The following CRYBG3 variants were observed in gnomAD, a reference collection of about 807,000 sequenced individuals.
CRYBG3 encodes the protein very large A-kinase anchor protein.
Under a neutral mutation model 244.2 loss-of-function variants are expected in CRYBG3, and 127 were observed. The observed-to-expected ratio is 0.52, with a 90% CI of 0.45 to 0.60. CRYBG3 has a LOEUF of 0.60. CRYBG3 is among the 20% of genes least tolerant of loss of function. The pLI is 0.00. For synonymous variants in CRYBG3, 1,132 were observed against 1,195.8 expected (o/e 0.95, Z 1.10); for missense variants, 3,325 against 3,442.5 (o/e 0.97, Z 0.85).
At position 97,883,497 on chromosome 3, in the gene CRYBG3, TCAAA is replaced by T. The variant is rs1236644275; in HGVS notation, c.7152+2282_7152+2285del. ...ACCTCTCTCACCCCCCCCACCAAAA[TCAAA>T]CAATAAAATCAAACAGATTTAATCT... On this transcript the variant is annotated intron_variant, in intron 7 of 21. Transcript: ENST00000389622. 2.6e-5 allele frequency among the ~76,000 whole-genome samples: 4 copies of T among 152,032 alleles called. No homozygotes were observed. In the East Asian group the frequency reaches 5.8e-4, roughly 22 times the overall value.
At chr3:97,879,791 G>A (rs1376850643) in intron 5 of CRYBG3, 43 bp downstream of exon 5, 2 of 1,434,574 alleles carry the variant, frequency 1.4e-6, no homozygotes, top group Admixed American at 1.9e-5. Flanking sequence ...TTAAACATTA[G>A]GTAACTTTCA....
chr3:97,859,743 G>A (rs1448664313), intron 2 of CRYBG3, among the ~76,000 whole-genome samples: 2 of 152,002 alleles, frequency 1.3e-5, no homozygotes, highest in African/African-American at 4.8e-5. Flanking sequence ...CTTTACTGAG[G>A]TCAGAGCCAT....
intron 10 of CRYBG3, 150 bp from the exon 11 acceptor site, chr3:97,892,710 G>A: frequency 2.1e-6 from 1 of 487,796 alleles, no homozygotes; most frequent in African/African-American, 2.0e-5. Context: ...ATAGTTTTTT[G>A]TAATACACCT....
intron 19 of CRYBG3, among the ~76,000 whole-genome samples, chr3:97,939,594 T>G (rs1012146750): frequency 4.6e-5 from 7 of 152,074 alleles, no homozygotes; most frequent in African/African-American, 1.4e-4. Context: ...AGTTAATTGA[T>G]TAAAACTGTG....
chr3:97,921,688 G>A (rs1229982637), intron 17 of CRYBG3, among the ~76,000 whole-genome samples: 2 of 152,086 alleles, frequency 1.3e-5, no homozygotes, highest in Non-Finnish European at 2.9e-5. Context: ...AGTCAGACTG[G>A]GTATTAAAAG....
At chr3:97,847,916 A>G (rs2038926537) in intron 2 of CRYBG3, among the ~76,000 whole-genome samples, 1 of 152,182 alleles carries the variant, frequency 6.6e-6, no homozygotes, top group Admixed American at 6.5e-5. Flanking sequence ...CATTACCCTT[A>G]TTTCTAATAA....
At chr3:97,856,088 G>A (rs1230156720) in intron 2 of CRYBG3, among the ~76,000 whole-genome samples, 2 of 151,982 alleles carry the variant, frequency 1.3e-5, no homozygotes, top group East Asian at 1.9e-4. Flanking sequence ...CATAAGATAC[G>A]GGCACACCTA....
At chr3:97,834,051 T>C (rs1395142124) in intron 1 of CRYBG3, among the ~76,000 whole-genome samples, 1 of 152,080 alleles carries the variant, frequency 6.6e-6, no homozygotes, top group Non-Finnish European at 1.5e-5. Context: ...CATTAATCTA[T>C]TCCTAAGGGA....
chr3:97,872,689 C>T lies in CRYBG3; in HGVS notation c.1495C>T (p.His499Tyr). 1 of 1,535,874 alleles carries T rather than the reference C, an allele frequency of 6.5e-7. No homozygotes were observed. Among genetic ancestry groups the T allele is most frequent in the Non-Finnish European group, 8.7e-7 (1 of 1,146,724 alleles). The change falls in exon 4 of 22, where the codon CAT becomes TAT. Residue 499 changes from histidine to tyrosine, a missense_variant. Coordinates refer to ENST00000389622, the MANE Select transcript of CRYBG3 (RefSeq NM_153605.4). ...CACCAATATCATTGCTCTTCAGAGA[C>T]ATGCTGTGACAGACACAGAATTTGT... Reference protein sequence around the residue: ...THTNIIALQRHAVTDTEFVNE... With the variant: ...THTNIIALQRYAVTDTEFVNE...
chr3:97,893,101 A>C, intron 11 of CRYBG3, 108 bp downstream of exon 11: 2 of 955,506 alleles, frequency 2.1e-6, no homozygotes, highest in Non-Finnish European at 3.2e-6. Flanking sequence ...AAAAATATAC[A>C]TTCCTTCTGT....
At chr3:97,826,046 TGAA>T (rs1438863068) in intron 1 of CRYBG3, among the ~76,000 whole-genome samples, 1 of 152,202 alleles carries the variant, frequency 6.6e-6, no homozygotes, top group Non-Finnish European at 1.5e-5. Flanking sequence ...CCTTCAGTAG[TGAA>T]GATGACGAGA....
At chr3:97,899,689 C>T (rs2039682728) in intron 14 of CRYBG3, among the ~76,000 whole-genome samples, 1 of 152,156 alleles carries the variant, frequency 6.6e-6, no homozygotes, top group East Asian at 1.9e-4. Flanking sequence ...AATTGAAGAC[C>T]TTGCCACAGA....
At chr3:97,935,249 T>G (rs1379928589) in intron 18 of CRYBG3, among the ~76,000 whole-genome samples, 1 of 152,104 alleles carries the variant, frequency 6.6e-6, no homozygotes, top group Middle Eastern at 3.2e-3. Context: ...CAATATATAA[T>G]TAGGTACATT....
rs1260294243 is a variant in CRYBG3, at chr3:97,875,948, C to T, written c.4754C>T (p.Thr1585Ile). The T allele has an allele frequency of 7.3e-6, 9 of 1,231,896 alleles. No individual in the cohort carries two copies. The highest frequency in any genetic ancestry group is 9.1e-6 in the Non-Finnish European group (9 of 987,942). The allele number at this position is 1,231,896 out of a possible 1,614,324, so 76.3% of individuals were successfully genotyped here. A position where few individuals can be genotyped will look rare whatever the true frequency, so the allele number is the denominator to read the frequency against. ...KMDAELNVTK[T>I]EPKANVFKMG... ...GATGCTGAATTGAATGTCACGAAAA[C>T]TGAGCCAAAAGCTAATGTTTTTAAA... is the stretch of plus-strand genomic sequence containing the variant. Residue 1585 changes from threonine to isoleucine, a missense_variant, in exon 4 of 22, where the codon ACT becomes ATT. Coordinates refer to ENST00000389622, the MANE Select transcript of CRYBG3 (RefSeq NM_153605.4).
chr3:97,847,354 A>G (rs796621710), intron 2 of CRYBG3, among the ~76,000 whole-genome samples: 5 of 152,342 alleles, frequency 3.3e-5, no homozygotes, highest in African/African-American at 1.2e-4. Context: ...ATCAATGTGT[A>G]TGTTCTATCC....
rs772840507 is a variant in CRYBG3, at chr3:97,898,937, T to A, written c.7756T>A (p.Phe2586Ile). The A allele has an allele frequency of 9.3e-6, 15 of 1,610,302 alleles. No individual in the cohort carries two copies. The highest frequency in any genetic ancestry group is 5.0e-5 in the Admixed American group (3 of 59,780). Residue 2586 changes from phenylalanine (F) to isoleucine (I), a missense_variant, in exon 13 of 22, where the codon TTT (phenylalanine) becomes ATT (isoleucine). Coordinates refer to ENST00000389622, the MANE Select transcript of CRYBG3 (RefSeq NM_153605.4). ...TGAATCTGACCTAGAAAGTGGGAAG[T>A]TTATTGACATTACAAATCAGGAAAT... The part of the protein sequence containing the change: ...LFESDLESGK[F>I]IDITNQEISD...
intron 15 of CRYBG3, among the ~76,000 whole-genome samples, chr3:97,910,397 G>A (rs1371341891): frequency 1.3e-5 from 2 of 152,148 alleles, no homozygotes; most frequent in Admixed American, 6.5e-5. Flanking sequence ...AGCAATCAGC[G>A]AGACTCTGTG....
intron 3 of CRYBG3, among the ~76,000 whole-genome samples, chr3:97,870,277 A>G (rs1024214894): frequency 6.6e-6 from 1 of 152,112 alleles, no homozygotes; most frequent in African/African-American, 2.4e-5. Context: ...GTAGTATTTT[A>G]GTCCTCACCC....
At chr3:97,883,045 A>T (rs947718137) in intron 7 of CRYBG3, among the ~76,000 whole-genome samples, 1 of 152,158 alleles carries the variant, frequency 6.6e-6, no homozygotes, top group Non-Finnish European at 1.5e-5. Flanking sequence ...CACAGAAGAA[A>T]CAACTCACCT....
Sources: gnomAD v4.1 joint callset for allele counts (sites outside exome capture counted in the v4.1 genomes callset) on GRCh38, gnomAD v4.1.1 for gene constraint, MANE v1.5 for transcripts, NCBI Gene and HGNC (gene_info 2026-07-23, HGNC 2026-07-21) for gene names.